The following STEAP1 variants were observed in gnomAD, a reference collection of about 807,000 sequenced individuals.
STEAP1 encodes STEAP family member 1.
STEAP1 carries 30 observed loss-of-function variants against 34.4 expected under a neutral mutation model. That is an observed-to-expected ratio of 0.87 (90% CI 0.65 to 1.18). The LOEUF (loss-of-function observed/expected upper bound fraction) is 1.18. Ranked by LOEUF, STEAP1 falls within the 50% of genes most tolerant of loss-of-function variation. STEAP1 has a pLI of 0.00. For synonymous variants in STEAP1, 116 were observed against 135.3 expected, an observed-to-expected ratio of 0.86 and a Z score of 0.99; for missense variants, 318 against 391.1, an observed-to-expected ratio of 0.81 and a Z score of 1.58.
intron 3 of STEAP1, among the ~76,000 whole-genome samples, chr7:90,161,700 A>C (rs572134756): frequency 1.1e-4 from 17 of 152,146 alleles, no homozygotes; most frequent in Admixed American, 1.3e-4. Context: ...GAAAATTAAT[A>C]GATTATGGAA....
In STEAP1 at chr7:90,161,904, C is replaced by T; in HGVS notation, c.598-10C>T. 1 of 1,589,038 alleles carries T rather than the reference C, an allele frequency of 6.3e-7. No individual in the cohort carries two copies. The highest frequency in any genetic ancestry group is 1.2e-5 in the South Asian group (1 of 85,884). On this transcript the variant is annotated splice_polypyrimidine_tract_variant and intron_variant, in intron 3 of 4. Coordinates refer to ENST00000297205, the MANE Select transcript of STEAP1 (RefSeq NM_012449.3). ...TTGCATTTCTTCTTTCTTTATTTAC[C>T]TTCTGGTAGGTCCAACAAAATAAAG...
At chr7:90,155,582 T>C (rs1481195779) in intron 1 of STEAP1, among the ~76,000 whole-genome samples, 1 of 152,240 alleles carries the variant, frequency 6.6e-6, no homozygotes, top group Non-Finnish European at 1.5e-5. Flanking sequence ...CTGTTATTTT[T>C]CTTTTTATGA....
chr7:90,164,458 T>G lies in STEAP1; in HGVS notation c.763-19T>G. 6.3e-7 allele frequency: 1 copy of G among 1,588,280 alleles called. No individual in the cohort carries two copies. The highest frequency in any genetic ancestry group is 8.6e-7 in the Non-Finnish European group (1 of 1,166,554). On this transcript the variant is annotated intron_variant, in intron 4 of 4. Coordinates refer to ENST00000297205, the MANE Select transcript of STEAP1 (RefSeq NM_012449.3). ...CTCTTATTGAACCAATCTTCACCAATTTTGTTTTTCTTTTGCAGAGCAAGC... is the reference window on the plus strand; with the variant it reads ...CTCTTATTGAACCAATCTTCACCAAGTTTGTTTTTCTTTTGCAGAGCAAGC...
chr7:90,162,236 C>T, intron 4 of STEAP1, 158 bp downstream of exon 4: 1 of 1,116,602 alleles, frequency 9.0e-7, no homozygotes, highest in South Asian at 2.6e-5. Context: ...GTTGTTTTCC[C>T]TATTGCTTCT....
chr7:90,164,493 T>A lies in STEAP1; in HGVS notation c.779T>A (p.Val260Asp). Reference protein sequence around the residue: ...FHYIQSKLGIVSLLLGTIHAL... With the variant: ...FHYIQSKLGIDSLLLGTIHAL... The stretch of plus-strand genomic sequence containing the variant: ...CTTTTGCAGAGCAAGCTAGGAATTG[T>A]TTCCCTTCTACTGGGCACAATACAC... Residue 260 changes from valine to aspartate, a missense_variant, in exon 5 of 5, where the codon GTT becomes GAT. Transcript: ENST00000297205. The A allele has an allele frequency of 6.2e-7, 1 of 1,603,738 alleles. No homozygotes were observed. The highest frequency in any genetic ancestry group is 8.5e-7 in the Non-Finnish European group (1 of 1,174,350).
At chr7:90,158,091 G>A (rs532034643) in intron 1 of STEAP1, among the ~76,000 whole-genome samples, 2 of 152,188 alleles carry the variant, frequency 1.3e-5, no homozygotes, top group African/African-American at 4.8e-5. Flanking sequence ...TACATATATC[G>A]TACAAAAGAT....
At chr7:90,158,782 A>T (rs1367265960) in intron 1 of STEAP1, among the ~76,000 whole-genome samples, 1 of 152,204 alleles carries the variant, frequency 6.6e-6, no homozygotes, top group Non-Finnish European at 1.5e-5. Flanking sequence ...TTATACTCTT[A>T]TGGGACCACT....
At position 90,162,309 on chromosome 7, in the gene STEAP1, T is replaced by G. The variant is rs948151800; in HGVS notation, c.762+231T>G. 7.1e-5 allele frequency: 42 copies of G among 594,918 alleles called. No homozygotes were observed. The East Asian group carries it at 1.0e-3, about 15-fold the overall frequency. 36.9% of individuals were successfully genotyped at this position (594,918 alleles called of 1,614,324 possible). A position where few individuals can be genotyped will look rare whatever the true frequency, so the allele number is the denominator to read the frequency against. ...ATTAAAATATTCTTTGTTTTTTTTT[T>G]TTGTTTGTTTGTTTTTTGTTTGTTT... On this transcript the variant is annotated intron_variant, in intron 4 of 4. Coordinates refer to ENST00000297205, the MANE Select transcript of STEAP1 (RefSeq NM_012449.3).
intron 4 of STEAP1, among the ~76,000 whole-genome samples, chr7:90,162,624 C>T (rs1794201816): frequency 6.6e-6 from 1 of 152,180 alleles, no homozygotes; most frequent in Non-Finnish European, 1.5e-5. Flanking sequence ...CCACCACACT[C>T]AGCCTGCTCT....
At chr7:90,160,435 C>A (rs1411768928) in intron 2 of STEAP1, among the ~76,000 whole-genome samples, 2 of 151,564 alleles carry the variant, frequency 1.3e-5, no homozygotes, top group African/African-American at 4.9e-5. Flanking sequence ...TGGTTCCAAA[C>A]TTCCAAATTA....
At position 90,160,988 on chromosome 7, in the gene STEAP1, C is replaced by T. The variant is rs761081630; in HGVS notation, c.268C>T (p.Leu90Phe). The T allele has an allele frequency of 1.9e-6, 3 of 1,613,978 alleles. No individual in the cohort carries two copies. Among genetic ancestry groups the T allele is most frequent in the East Asian group, 2.2e-5 (1 of 44,888 alleles). Residue 90 changes from leucine to phenylalanine, a missense_variant, in exon 3 of 5, where the codon CTT becomes TTT. Leu to Phe is a conservative substitution (Grantham distance 22). Transcript: ENST00000297205. ...AGCATCTCTGACTTTTCTTTACACT[C>T]TTCTGAGGGAAGTAATTCACCCTTT... The part of the protein sequence containing the change: ...IIASLTFLYT[L>F]LREVIHPLAT...
At position 90,164,566 on chromosome 7, in the gene STEAP1, A is replaced by G. The variant is rs1250695475; in HGVS notation, c.852A>G (p.Val284=). 11 of 1,613,636 alleles carry G rather than the reference A, an allele frequency of 6.8e-6. No individual in the cohort carries two copies. The highest frequency in any genetic ancestry group is 4.4e-5 in the South Asian group (4 of 91,044). ...WNKWIDIKQF[V]WYTPPTFMIA... ...AGTGGATAGATATAAAACAATTTGT[A>G]TGGTATACACCTCCAACTTTTATGA... is the stretch of plus-strand genomic sequence containing the variant. Residue 284 remains valine, a synonymous_variant, in exon 5 of 5, where the codon GTA becomes GTG. Transcript: ENST00000297205.
intron 1 of STEAP1, among the ~76,000 whole-genome samples, chr7:90,156,068 T>G (rs576298403): frequency 5.9e-5 from 9 of 152,378 alleles, no homozygotes; most frequent in African/African-American, 2.2e-4. Context: ...CATTTAACTT[T>G]GCATTCCTCC....
chr7:90,164,804 G>C lies in STEAP1; in HGVS notation c.*70G>C, dbSNP rs1382256749. ...TCACCAACATTTCAAGTTTGTATTT[G>C]TTAATAAAATGATTATTCAAGGATC... On this transcript the variant is annotated 3_prime_UTR_variant, in exon 5 of 5. Transcript: ENST00000297205. 2.2e-6 allele frequency: 3 copies of C among 1,393,922 alleles called. No individual in the cohort carries two copies. Among genetic ancestry groups the C allele is most frequent in the Non-Finnish European group, 2.9e-6 (3 of 1,048,034 alleles). The allele number at this position is 1,393,922 out of a possible 1,614,324, so 86.3% of individuals were successfully genotyped here. A position where few individuals can be genotyped will look rare whatever the true frequency, so the allele number is the denominator to read the frequency against.
At chr7:90,161,644 C>T (rs1225769769) in intron 3 of STEAP1, among the ~76,000 whole-genome samples, 1 of 151,784 alleles carries the variant, frequency 6.6e-6, no homozygotes, top group African/African-American at 2.4e-5. Flanking sequence ...TACCAATATG[C>T]ATGCACATTA....
chr7:90,162,477 C>T (rs1794200070), intron 4 of STEAP1, among the ~76,000 whole-genome samples: 1 of 151,958 alleles, frequency 6.6e-6, no homozygotes, highest in African/African-American at 2.4e-5. Context: ...TACAGGCACC[C>T]ATCACCATGT....
intron 2 of STEAP1, among the ~76,000 whole-genome samples, 176 bp downstream of exon 2, chr7:90,160,048 A>G (rs1429846411): frequency 2.0e-5 from 3 of 152,206 alleles, no homozygotes; most frequent in Non-Finnish European, 2.9e-5. Context: ...TGTGAGAGAC[A>G]TAGTACCTTC....
At chr7:90,156,176 TA>T (rs1258708903) in intron 1 of STEAP1, among the ~76,000 whole-genome samples, 2 of 152,230 alleles carry the variant, frequency 1.3e-5, no homozygotes, top group Non-Finnish European at 2.9e-5. Flanking sequence ...CCCTCAAAGT[TA>T]AAAGATCTTC....
At chr7:90,162,936 A>C (rs39286) in intron 4 of STEAP1, 293,726 of 306,124 alleles carry the variant, frequency 0.96, 141,019 homozygotes, top group East Asian at 1. Flanking sequence ...AATTTTAAAA[A>C]TATCTCAGAT....
Sources: allele counts gnomAD v4.1 joint callset (sites outside exome capture counted in the v4.1 genomes callset), GRCh38; gene constraint gnomAD v4.1.1; transcripts MANE v1.5; gene names NCBI Gene and HGNC (gene_info 2026-07-23, HGNC 2026-07-21).